The following RRAS2 variants were observed in gnomAD, a reference collection of about 807,000 sequenced individuals.
The protein encoded by RRAS2 is RAS related 2, also known as ras-related protein R-Ras2.
Under a neutral mutation model 27.6 loss-of-function variants are expected in RRAS2, and 7 were observed. The ratio of observed to expected loss-of-function variants is 0.25; its 90% CI spans 0.14 to 0.48. The LOEUF is 0.48. Among genes scored for constraint, RRAS2 ranks in the 20% least tolerant of loss-of-function variants. The pLI is 0.99. For missense variants in RRAS2, 178 were observed against 256.2 expected (o/e 0.69, Z 2.08); for synonymous variants, 86 against 90.9 (o/e 0.95, Z 0.31).
At chr11:14,364,426 T>C in exon 1 of RRAS2, 1 of 1,535,050 alleles carries the variant, frequency 6.5e-7, no homozygotes, top group Non-Finnish European at 8.7e-7. Context: ...ACTTATTTCC[T>C]TAATGGGCCA....
chr11:14,325,461 G>A (rs1554950880), intron 1 of RRAS2, among the ~76,000 whole-genome samples: 2 of 151,906 alleles, frequency 1.3e-5, no homozygotes, highest in Non-Finnish European at 2.9e-5. Flanking sequence ...CTGCCACGAC[G>A]CCTGGCTTTT....
At chr11:14,295,606 T>A (rs1847523463) in intron 2 of RRAS2, among the ~76,000 whole-genome samples, 162 bp downstream of exon 2, 4 of 152,226 alleles carry the variant, frequency 2.6e-5, no homozygotes, top group Admixed American at 2.6e-4. Context: ...ATATTTAAAT[T>A]ACCCATTATG....
chr11:14,357,737 C>G (rs1253630198), intron 1 of RRAS2, among the ~76,000 whole-genome samples: 1 of 152,018 alleles, frequency 6.6e-6, no homozygotes, highest in Non-Finnish European at 1.5e-5. Flanking sequence ...AATATTTCAC[C>G]GTTCATACTC....
chr11:14,312,635 G>A (rs1184210538), intron 1 of RRAS2, among the ~76,000 whole-genome samples: 1 of 151,978 alleles, frequency 6.6e-6, no homozygotes, highest in African/African-American at 2.4e-5. Flanking sequence ...TCCCCAGGCT[G>A]GTCATCAACT....
intron 1 of RRAS2, among the ~76,000 whole-genome samples, chr11:14,321,187 A>C (rs1554950239): frequency 6.6e-6 from 1 of 152,100 alleles, no homozygotes; most frequent in Non-Finnish European, 1.5e-5. Context: ...TCAAAAAAAA[A>C]AAAAAGATTG....
chr11:14,286,588 G>A (rs1408861115), intron 4 of RRAS2, among the ~76,000 whole-genome samples: 1 of 152,146 alleles, frequency 6.6e-6, no homozygotes, highest in Non-Finnish European at 1.5e-5. Context: ...TAGGTAATTT[G>A]TTCTCCCAGT....
At chr11:14,316,659 C>T (rs1352692385) in intron 1 of RRAS2, among the ~76,000 whole-genome samples, 30 of 152,160 alleles carry the variant, frequency 2.0e-4, no homozygotes, top group Admixed American at 2.0e-3. Context: ...AGGAGGATTG[C>T]TTAAGCCCAG....
intron 1 of RRAS2, among the ~76,000 whole-genome samples, chr11:14,297,063 C>T (rs1425014455): frequency 6.6e-6 from 1 of 152,094 alleles, no homozygotes; most frequent in African/African-American, 2.4e-5. Flanking sequence ...AAGATAACAA[C>T]AATAATCTGA....
chr11:14,347,568 C>G, intron 1 of RRAS2, among the ~76,000 whole-genome samples: 1 of 151,990 alleles, frequency 6.6e-6, no homozygotes, highest in Non-Finnish European at 1.5e-5. Context: ...ACCTGTAATC[C>G]CAGCGCTTTG....
At chr11:14,352,781 GGA>G (rs376706893) in intron 1 of RRAS2, among the ~76,000 whole-genome samples, 6 of 129,066 alleles carry the variant, frequency 4.6e-5, no homozygotes, top group Non-Finnish European at 5.0e-5. Context: ...AGAGAGAGAG[GGA>G]GAGAGAGAGA....
chr11:14,358,422 A>T lies in RRAS2; in HGVS notation c.108+341T>A. Reference sequence around the variant, plus strand: ...TCCAGCCCCACGCCCGGACCCTCGGAGCAGTAAAGCCCGGCTCGGTGGCCC... The same window carrying T: ...TCCAGCCCCACGCCCGGACCCTCGGTGCAGTAAAGCCCGGCTCGGTGGCCC... On this transcript the variant is annotated intron_variant, in intron 1 of 5. Transcript: ENST00000256196. This position sits in a 1 kb window ranked among gnomAD's most constrained non-coding sequence, Gnocchi z 5.1. The T allele has an allele frequency of 3.0e-6, 3 of 985,306 alleles. No homozygotes were observed. Among genetic ancestry groups the T allele is most frequent in the Non-Finnish European group, 3.6e-6 (3 of 830,030 alleles). 61.0% of individuals were successfully genotyped at this position (985,306 alleles called of 1,614,324 possible). A position where few individuals can be genotyped will look rare whatever the true frequency, so the allele number is the denominator to read the frequency against.
At chr11:14,342,443 TG>T (rs750171230) in intron 1 of RRAS2, among the ~76,000 whole-genome samples, 6 of 152,186 alleles carry the variant, frequency 3.9e-5, no homozygotes, top group Non-Finnish European at 8.8e-5. Context: ...GGGTTGTAAC[TG>T]GTAGAAAATG....
At chr11:14,327,384 AGAG>A (rs1554951162) in intron 1 of RRAS2, among the ~76,000 whole-genome samples, 1 of 152,190 alleles carries the variant, frequency 6.6e-6, no homozygotes, top group Non-Finnish European at 1.5e-5. Context: ...TTCAGAGTTA[AGAG>A]GAGGGGAAAA....
At chr11:14,305,436 C>A (rs1252633699) in intron 1 of RRAS2, among the ~76,000 whole-genome samples, 10 of 152,150 alleles carry the variant, frequency 6.6e-5, no homozygotes, top group African/African-American at 2.2e-4. Context: ...AAGAGAATTT[C>A]TTTTCCTTTT....
upstream of RRAS2, among the ~76,000 whole-genome samples, chr11:14,359,786 G>A (rs368390341): frequency 2.1e-4 from 32 of 152,168 alleles, no homozygotes; most frequent in Admixed American, 4.6e-4. Flanking sequence ...GTGTGAGTGC[G>A]AGGGGTTGAA....
At chr11:14,330,378 G>A (rs1554951735) in intron 1 of RRAS2, among the ~76,000 whole-genome samples, 1 of 152,136 alleles carries the variant, frequency 6.6e-6, no homozygotes, top group African/African-American at 2.4e-5. Flanking sequence ...CGGGCATGGT[G>A]GCACACGCCT....
In RRAS2 at chr11:14,310,451, A is replaced by T. The variant is rs905091585; in HGVS notation, c.109-14596T>A. ...AAATGAGAAAGATCTAGGCAAGGAA[A>T]CTGAGAAGGAGCAGCTAAAAGTAGG... On this transcript the variant is annotated intron_variant, in intron 1 of 5. Transcript: ENST00000256196. Among the ~76,000 whole-genome samples the T allele has an allele frequency of 6.6e-5, 10 of 152,316 alleles. No homozygotes were observed. The South Asian group carries it at 2.1e-3, about 32-fold the overall frequency.
chr11:14,331,443 T>C (rs1554951870), intron 1 of RRAS2, among the ~76,000 whole-genome samples: 5 of 152,170 alleles, frequency 3.3e-5, no homozygotes, highest in Non-Finnish European at 7.3e-5. Context: ...GATACTTATA[T>C]AACTTATCCA....
In RRAS2 at chr11:14,332,208, G is replaced by C. The variant is rs147822630; in HGVS notation, c.108+26555C>G. Among the ~76,000 whole-genome samples, 31 of 152,276 alleles carry C rather than the reference G, an allele frequency of 2.0e-4. 1 individual carries two copies. The East Asian group carries it at 6.0e-3, about 29-fold the overall frequency. ...ATATGAAAATGTAAGTCCAAACAAT[G>C]ACTTGTACATCAATGTCTGGGGCAG... On this transcript the variant is annotated intron_variant, in intron 1 of 5. Coordinates refer to ENST00000256196, the MANE Select transcript of RRAS2 (RefSeq NM_012250.6).
Sources: gnomAD v4.1 joint callset for allele counts (sites outside exome capture counted in the v4.1 genomes callset) on GRCh38, gnomAD v4.1.1 for gene constraint, Gnocchi (gnomAD v3.1) non-coding constraint, MANE v1.5 for transcripts, NCBI Gene and HGNC (gene_info 2026-07-23, HGNC 2026-07-21) for gene names.